The following RBFOX1 variants were observed in gnomAD, a reference collection of about 807,000 sequenced individuals.
RBFOX1 encodes the protein RNA binding fox-1 homolog 1, also known as RNA binding protein fox-1 homolog 1.
In RBFOX1, 8 loss-of-function variants were observed where a neutral mutation model predicts 57.7. That is an observed-to-expected ratio of 0.14 (90% CI 0.08 to 0.25). RBFOX1 has a LOEUF of 0.25. RBFOX1 is among the 10% of genes least tolerant of loss of function. The probability of loss-of-function intolerance (pLI) is 1.00; values close to 1 mark genes in which losing one functional copy is unlikely to be tolerated. For missense variants in RBFOX1, 611 were observed against 548.5 expected (o/e 1.11, Z -1.14); for synonymous variants, 326 against 222.4 (o/e 1.47, Z -4.15).
At chr16:5,823,202 TG>T (rs1311011085) in intron 3 of RBFOX1, among the ~76,000 whole-genome samples, 1 of 152,062 alleles carries the variant, frequency 6.6e-6, no homozygotes, top group African/African-American at 2.4e-5. Flanking sequence ...ACGCAGTGAG[TG>T]GATGAACACC....
intron 2 of RBFOX1, among the ~76,000 whole-genome samples, chr16:5,530,435 G>A (rs1049724925): frequency 2.0e-4 from 30 of 152,218 alleles, no homozygotes; most frequent in Admixed American, 5.2e-4. Flanking sequence ...GAGGAGTTAG[G>A]ATGTCAACCC....
intron 2 of RBFOX1, among the ~76,000 whole-genome samples, chr16:6,414,939 A>G (rs1350056851): frequency 5.3e-5 from 8 of 152,074 alleles, no homozygotes; most frequent in African/African-American, 1.9e-4. Context: ...CGGTCCCAAT[A>G]TCAATACTGT....
chr16:6,895,418 A>ATG (rs139075559), intron 3 of RBFOX1, among the ~76,000 whole-genome samples: 3,016 of 86,312 alleles, frequency 0.035, 97 homozygotes, highest in Middle Eastern at 0.062. Flanking sequence ...TTAGTAATAT[A>ATG]TGTGTGTGTG....
intron 4 of RBFOX1, among the ~76,000 whole-genome samples, chr16:7,223,605 C>G (rs1271655819): frequency 2.0e-5 from 3 of 151,796 alleles, no homozygotes; most frequent in Admixed American, 1.3e-4. Flanking sequence ...CTCAGCTTAA[C>G]TGCCTCTTGA....
intron 2 of RBFOX1, among the ~76,000 whole-genome samples, chr16:6,337,364 A>T (rs1156903786): frequency 6.6e-6 from 1 of 152,176 alleles, no homozygotes; most frequent in Non-Finnish European, 1.5e-5. Flanking sequence ...GAGTAATTTG[A>T]ATCACCGCCA....
intron 2 of RBFOX1, among the ~76,000 whole-genome samples, chr16:6,544,532 T>C (rs1319258845): frequency 1.3e-5 from 2 of 152,198 alleles, no homozygotes; most frequent in Non-Finnish European, 2.9e-5. Context: ...TCTTCATTAT[T>C]GATTATATGC....
At chr16:7,422,952 G>C (rs770816909) in intron 4 of RBFOX1, 4 of 151,884 alleles carry the variant, frequency 2.6e-5, no homozygotes, top group Non-Finnish European at 4.4e-5. Flanking sequence ...CCACACTTTT[G>C]CCCATGGAGA....
intron 1 of RBFOX1, among the ~76,000 whole-genome samples, chr16:6,111,712 G>C (rs1327067728): frequency 6.6e-6 from 1 of 152,164 alleles, no homozygotes; most frequent in Non-Finnish European, 1.5e-5. Flanking sequence ...GCAAAATGCA[G>C]CATGATTTGG....
At chr16:5,496,980 CTT>C (rs2043022185) in intron 2 of RBFOX1, among the ~76,000 whole-genome samples, 1 of 152,154 alleles carries the variant, frequency 6.6e-6, no homozygotes, top group Non-Finnish European at 1.5e-5. Context: ...TCTGGCATAA[CTT>C]TTAGTGTTAA....
At chr16:6,534,645 A>G (rs913856686) in intron 2 of RBFOX1, among the ~76,000 whole-genome samples, 1 of 152,190 alleles carries the variant, frequency 6.6e-6, no homozygotes, top group African/African-American at 2.4e-5. Flanking sequence ...TACCTTTTAT[A>G]TAAATGCAAT....
chr16:5,577,003 G>A (rs1199098870), intron 2 of RBFOX1, among the ~76,000 whole-genome samples: 7 of 152,152 alleles, frequency 4.6e-5, no homozygotes, highest in Non-Finnish European at 7.3e-5. Context: ...AACCCTCGGC[G>A]GAGGCCCTTT....
intron 2 of RBFOX1, among the ~76,000 whole-genome samples, chr16:6,550,043 C>G (rs996807802): frequency 5.9e-5 from 9 of 152,128 alleles, no homozygotes; most frequent in Admixed American, 2.0e-4. Context: ...AAGTGGACAC[C>G]ATTCCATACT....
chr16:6,882,267 A>G (rs1603636134), intron 3 of RBFOX1, among the ~76,000 whole-genome samples: 1 of 152,078 alleles, frequency 6.6e-6, no homozygotes, highest in East Asian at 1.9e-4. Flanking sequence ...GCTTGGAGAG[A>G]ACAGAGGATG....
chr16:6,901,219 G>C (rs966256734), intron 3 of RBFOX1, among the ~76,000 whole-genome samples: 1 of 152,188 alleles, frequency 6.6e-6, no homozygotes, highest in African/African-American at 2.4e-5. Context: ...TAAGAAGAAA[G>C]AGAGGAAAGA....
chr16:6,255,110 G>A (rs370853113), intron 1 of RBFOX1, among the ~76,000 whole-genome samples: 4 of 152,126 alleles, frequency 2.6e-5, no homozygotes, highest in African/African-American at 9.7e-5. Context: ...GCAGGCTGGG[G>A]AGAGAGATAA....
intron 4 of RBFOX1, among the ~76,000 whole-genome samples, chr16:7,193,865 G>A (rs1183313941): frequency 6.6e-6 from 1 of 151,794 alleles, no homozygotes; most frequent in Non-Finnish European, 1.5e-5. Context: ...ATGAAAGAAT[G>A]ACAGACTAAA....
At chr16:6,706,507 C>G (rs1476709445) in intron 3 of RBFOX1, among the ~76,000 whole-genome samples, 1 of 152,200 alleles carries the variant, frequency 6.6e-6, no homozygotes, top group Non-Finnish European at 1.5e-5. Flanking sequence ...GGATCACTTA[C>G]TTTGCAGCCG....
intron 2 of RBFOX1, among the ~76,000 whole-genome samples, chr16:5,523,900 G>C (rs1346553439): frequency 2.6e-5 from 4 of 152,110 alleles, no homozygotes; most frequent in Non-Finnish European, 5.9e-5. Flanking sequence ...ATCCTGGTTC[G>C]GCTGCACAGG....
At chr16:7,445,419 C>T (rs1326771457) in intron 4 of RBFOX1, among the ~76,000 whole-genome samples, 9 of 152,140 alleles carry the variant, frequency 5.9e-5, no homozygotes. Context: ...AAGTAGGAAT[C>T]ACAATATTTG....
Sources: gnomAD v4.1 joint callset for allele counts (sites outside exome capture counted in the v4.1 genomes callset) on GRCh38, gnomAD v4.1.1 for gene constraint, MANE v1.5 for transcripts, NCBI Gene and HGNC (gene_info 2026-07-23, HGNC 2026-07-21) for gene names.